NONO: variants seen among roughly 807,000 people sequenced by gnomAD.
NONO encodes non-POU domain-containing octamer-binding protein.
NONO carries 6 observed loss-of-function variants against 40.2 expected under a neutral mutation model. The observed-to-expected ratio is 0.15, with a 90% CI of 0.08 to 0.29. NONO has a LOEUF of 0.29. Among genes scored for constraint, NONO ranks in the 10% least tolerant of loss-of-function variants. The pLI, the probability that NONO is intolerant of heterozygous loss-of-function variation, is 1.00. For missense variants in NONO, 133 were observed against 397.8 expected, an observed-to-expected ratio of 0.33 and a Z score of 5.66; for synonymous variants, 89 against 123.3, an observed-to-expected ratio of 0.72 and a Z score of 1.85.
At chrX:71,287,144 T>G (rs2031208057) in intron 2 of NONO, among the ~76,000 whole-genome samples, 1 of 111,578 alleles carries the variant, frequency 9.0e-6, no homozygotes, top group African/African-American at 3.3e-5. Flanking sequence ...GCAGCGGCAC[T>G]GTCTTGGCCT....
At chrX:71,297,109 C>G in intron 7 of NONO, 62 bp downstream of exon 7, 1 of 985,870 alleles carries the variant, frequency 1.0e-6, no homozygotes, top group Admixed American at 3.5e-5. Context: ...AAATGGGTTT[C>G]TTTGTATCAA....
intron 8 of NONO, 139 bp downstream of exon 8, chrX:71,297,600 G>T (rs1196722546): frequency 3.7e-6 from 2 of 537,306 alleles, no homozygotes; most frequent in East Asian, 3.6e-5. Flanking sequence ...TCTTTCTTTG[G>T]ATTGGAGATG....
intron 11 of NONO, among the ~76,000 whole-genome samples, chrX:71,299,590 T>C (rs1224551344): frequency 8.9e-6 from 1 of 111,980 alleles, no homozygotes; most frequent in Non-Finnish European, 1.9e-5. Context: ...CTGGATAGTT[T>C]GGTTGTTTCT....
intron 4 of NONO, chrX:71,292,451 G>C (rs1049097304): frequency 2.7e-5 from 3 of 111,960 alleles, no homozygotes; most frequent in Non-Finnish European, 5.6e-5. Flanking sequence ...ACCCACCTTG[G>C]CCTCCCAAAG....
At chrX:71,288,975 G>A (rs930280821) in intron 2 of NONO, among the ~76,000 whole-genome samples, 5 of 112,073 alleles carry the variant, frequency 4.5e-5, no homozygotes, top group Middle Eastern at 4.2e-3. Context: ...TTATTTCCAC[G>A]GTATGTACTG....
At chrX:71,298,284 T>C in intron 9 of NONO, 185 bp from the exon 10 acceptor site, 1 of 471,370 alleles carries the variant, frequency 2.1e-6, no homozygotes, top group Non-Finnish European at 3.8e-6. Context: ...GGCTCTGGCT[T>C]ACGTCCTAGT....
chrX:71,287,307 C>G (rs745388532), intron 2 of NONO, among the ~76,000 whole-genome samples: 7 of 111,142 alleles, frequency 6.3e-5, no homozygotes, highest in African/African-American at 2.3e-4. Context: ...TCTTGAACTC[C>G]TGACCTCAAG....
chrX:71,288,117 A>ATTT (rs2031239914), intron 2 of NONO, among the ~76,000 whole-genome samples: 1 of 21,708 alleles, frequency 4.6e-5, no homozygotes, highest in Non-Finnish European at 8.5e-5. Flanking sequence ...TATTATTTTT[A>ATTT]TCTTTTTTTT....
At chrX:71,286,495 G>T (rs1449633715) in intron 2 of NONO, among the ~76,000 whole-genome samples, 1 of 111,809 alleles carries the variant, frequency 8.9e-6, no homozygotes, top group African/African-American at 3.2e-5. Flanking sequence ...AATATTTTTT[G>T]AATGAAATCG....
intron 11 of NONO, 69 bp downstream of exon 11, chrX:71,298,885 C>T: frequency 3.5e-6 from 3 of 858,756 alleles, no homozygotes; most frequent in Non-Finnish European, 5.1e-6. Flanking sequence ...ATTGCTTTCA[C>T]AGCCCCTGGG....
chrX:71,298,204 C>T, intron 9 of NONO: 1 of 438,678 alleles, frequency 2.3e-6, no homozygotes, highest in Non-Finnish European at 4.0e-6. Flanking sequence ...CTCTGCTGTC[C>T]TTGCAATTGT....
At chrX:71,294,923 A>T (rs2031403184) in intron 5 of NONO, among the ~76,000 whole-genome samples, 1 of 110,163 alleles carries the variant, frequency 9.1e-6, no homozygotes, top group African/African-American at 3.3e-5. Flanking sequence ...CCTCAAAAAA[A>T]TAAATAAAAG....
chrX:71,298,861 G>A, intron 11 of NONO, 45 bp downstream of exon 11: 1 of 1,013,100 alleles, frequency 9.9e-7, no homozygotes, highest in Non-Finnish European at 1.4e-6. Flanking sequence ...AATGGTGGTA[G>A]GAGGAGAACA....
Position 71,297,775 on chromosome X carries a change from C to T in NONO, c.1029-61C>T. 6.8e-6 allele frequency: 6 copies of T among 879,478 alleles called. No individual in the cohort carries two copies. The South Asian group carries it at 1.3e-4, about 19-fold the overall frequency. 72.5% of individuals were successfully genotyped at this position (879,478 alleles called of 1,213,427 possible). On this transcript the variant is annotated intron_variant, in intron 8 of 11. Transcript: ENST00000276079. ...AGGCCAGTCTCCTTGGTTGAGTCTC[C>T]TGTTAATCTGCTCAAGTTCTGAAAT...
intron 2 of NONO, among the ~76,000 whole-genome samples, chrX:71,288,117 A>ATTTTT (rs2031239914): frequency 4.6e-5 from 1 of 21,707 alleles, no homozygotes. Flanking sequence ...TATTATTTTT[A>ATTTTT]TCTTTTTTTT....
chrX:71,296,675 T>C lies in NONO; in HGVS notation c.746+15T>C, dbSNP rs763307868. On this transcript the variant is annotated intron_variant, in intron 6 of 11. Coordinates refer to ENST00000276079, the MANE Select transcript of NONO (RefSeq NM_007363.5). ...CAATTTCACAAGTATGCAGTCTTGA[T>C]AGATTTCCCTATTAGGTGTTTCCTT... The C allele has an allele frequency of 5.4e-6, 6 of 1,120,359 alleles. No individual in the cohort carries two copies. Among genetic ancestry groups the C allele is most frequent in the Non-Finnish European group, 7.3e-6 (6 of 823,762 alleles). 92.3% of individuals were successfully genotyped at this position (1,120,359 alleles called of 1,213,427 possible). A position where few individuals can be genotyped will look rare whatever the true frequency, so the allele number is the denominator to read the frequency against.
rs1136472 is a variant in NONO, at chrX:71,300,490, C to T, written c.*414C>T. On this transcript the variant is annotated 3_prime_UTR_variant, in exon 12 of 12. Coordinates refer to ENST00000276079, the MANE Select transcript of NONO (RefSeq NM_007363.5). Reference sequence around the variant, plus strand: ...GGAGTGTAGTGGCATGATCTCGGCTCACTGCAATCTCTGCCTCCCGGGTTC... The same window carrying T: ...GGAGTGTAGTGGCATGATCTCGGCTTACTGCAATCTCTGCCTCCCGGGTTC... 14,614 of 214,331 alleles carry T rather than the reference C, an allele frequency of 0.068. 789 individuals carry two copies. Among genetic ancestry groups the T allele is most frequent in the East Asian group, 0.3 (3,801 of 12,474 alleles). 17.7% of individuals were successfully genotyped at this position (214,331 alleles called of 1,213,427 possible).
At chrX:71,291,076 G>C (rs1316145087) in intron 3 of NONO, among the ~76,000 whole-genome samples, 1 of 112,552 alleles carries the variant, frequency 8.9e-6, no homozygotes, top group Non-Finnish European at 1.9e-5. Flanking sequence ...CTTAGAGGTA[G>C]TCATCAGATG....
At chrX:71,297,097 T>A in intron 7 of NONO, 50 bp downstream of exon 7, 1 of 1,021,345 alleles carries the variant, frequency 9.8e-7, no homozygotes, top group Non-Finnish European at 1.3e-6. Flanking sequence ...AATGACATTT[T>A]TAAATGGGTT....
Sources: gnomAD v4.1 joint callset for allele counts (sites outside exome capture counted in the v4.1 genomes callset) on GRCh38, gnomAD v4.1.1 for gene constraint, MANE v1.5 for transcripts, NCBI Gene and HGNC (gene_info 2026-07-23, HGNC 2026-07-21) for gene names.